Variants in TMPRSS6 observed in about 807,000 individuals in gnomAD.
TMPRSS6 encodes the protein transmembrane serine protease 6, also known as transmembrane protease serine 6.
Under a neutral mutation model 101.5 loss-of-function variants are expected in TMPRSS6, and 67 were observed. The ratio of observed to expected loss-of-function variants is 0.66; its 90% confidence interval spans 0.54 to 0.81. The LOEUF (loss-of-function observed/expected upper bound fraction) is 0.81, where lower values mean the gene tolerates loss of function less well. Ranked by LOEUF, TMPRSS6 falls within the 30% of genes least tolerant of loss-of-function variation. TMPRSS6 has a pLI of 0.00. For missense variants in TMPRSS6, 1,034 were observed against 1,088.7 expected (o/e 0.95, Z 0.71); for synonymous variants, 453 against 464.9 (o/e 0.97, Z 0.33).
intron 7 of TMPRSS6, among the ~76,000 whole-genome samples, chr22:37,089,336 T>C (rs944792368): frequency 6.6e-6 from 1 of 152,116 alleles, no homozygotes; most frequent in Non-Finnish European, 1.5e-5. Flanking sequence ...AGGAGTCATC[T>C]ACAACAACGG....
rs147881799 is a variant in TMPRSS6 at position 37,076,073 on chromosome 22, AAAAG to A, written c.1197-797_1197-794del. Among the ~76,000 whole-genome samples, 1,407 of 152,028 alleles carry A rather than the reference AAAAG, an allele frequency of 9.3e-3. 10 individuals are homozygous for A. The highest frequency in any genetic ancestry group is 0.025 in the African/African-American group (1,045 of 41,414). ...GAGGGAGGGAAAGAAAAAAGAAAAG[AAAAG>A]AAAGAAAGAGAAAGAAAGAAAGGAA... On this transcript the variant is annotated intron_variant, in intron 10 of 17. Coordinates refer to ENST00000676104, the MANE Select transcript of TMPRSS6 (RefSeq NM_001374504.1).
At chr22:37,072,294 G>GGATGGATGGAT in intron 13 of TMPRSS6, among the ~76,000 whole-genome samples, 1 of 140,558 alleles carries the variant, frequency 7.1e-6, no homozygotes, top group African/African-American at 3.0e-5. Context: ...GATGGATGAT[G>GGATGGATGGAT]GATGGATGGA....
chr22:37,084,651 C>T (rs1928549824), intron 9 of TMPRSS6, 76 bp downstream of exon 9: 1 of 1,295,194 alleles, frequency 7.7e-7, no homozygotes, highest in Non-Finnish European at 1.1e-6. Flanking sequence ...ACACTGCCCC[C>T]TCTCATCCCG....
intron 2 of TMPRSS6, 72 bp from the exon 3 acceptor site, chr22:37,098,621 C>T: frequency 6.2e-7 from 1 of 1,608,460 alleles, no homozygotes. Flanking sequence ...TCCATGCCTT[C>T]TCCTGCCACC....
In TMPRSS6 at chr22:37,103,749, A is replaced by C; in HGVS notation, c.-1-331T>G. ...CCACCTCCCTAGAGGCTGCACCCACAGACAGAACTGAAGTACATGGGGTGC... is the reference window on the plus strand; with the variant it reads ...CCACCTCCCTAGAGGCTGCACCCACCGACAGAACTGAAGTACATGGGGTGC... On this transcript the variant is annotated intron_variant, in intron 1 of 17. Transcript: ENST00000676104. The surrounding 1 kb of genome is among the most constrained non-coding windows in gnomAD (Gnocchi z 4.4). 1.5e-6 allele frequency: 1 copy of C among 679,816 alleles called. No individual in the cohort carries two copies. Among genetic ancestry groups the C allele is most frequent in the Non-Finnish European group, 2.6e-6 (1 of 384,042 alleles). 42.1% of individuals were successfully genotyped at this position (679,816 alleles called of 1,614,324 possible). A position where few individuals can be genotyped will look rare whatever the true frequency, so the allele number is the denominator to read the frequency against.
intron 2 of TMPRSS6, among the ~76,000 whole-genome samples, chr22:37,100,546 G>T (rs1256493563): frequency 6.6e-6 from 1 of 152,208 alleles, no homozygotes; most frequent in African/African-American, 2.4e-5. Flanking sequence ...GGAAAAGAAA[G>T]AAAGGAGTAA....
At chr22:37,071,129 A>T in intron 13 of TMPRSS6, 97 bp from the exon 14 acceptor site, 1 of 1,097,898 alleles carries the variant, frequency 9.1e-7, no homozygotes, top group South Asian at 1.3e-5. Flanking sequence ...GAGCCAGAAG[A>T]GCCAGGAGGT....
chr22:37,086,830 C>A (rs2146114528), intron 7 of TMPRSS6, among the ~76,000 whole-genome samples: 1 of 152,316 alleles, frequency 6.6e-6, no homozygotes, highest in South Asian at 2.1e-4. Context: ...CACCGCGACT[C>A]CTGGCTGTGC....
rs111225958 is a variant in TMPRSS6 at position 37,075,000 on chromosome 22, TAC to T, written c.1342+133_1342+134del. 211,494 of 1,371,698 alleles carry T rather than the reference TAC, an allele frequency of 0.15. 15,405 individuals carry two copies. Among genetic ancestry groups the T allele is most frequent in the African/African-American group, 0.25 (17,544 of 69,856 alleles). The allele number at this position is 1,371,698 out of a possible 1,614,324, so 85.0% of individuals were successfully genotyped here. Reference sequence around the variant, plus strand: ...AGCTGCATAAATTTGTGCAAGCACATACACACACACACACACTCTCTCTCTCC... The same window carrying T: ...AGCTGCATAAATTTGTGCAAGCACATACACACACACACACTCTCTCTCTCC... On this transcript the variant is annotated intron_variant, in intron 11 of 17. Transcript: ENST00000676104.
chr22:37,072,464 TG>T (rs1927114091), intron 13 of TMPRSS6, among the ~76,000 whole-genome samples: 1 of 137,672 alleles, frequency 7.3e-6, no homozygotes, highest in African/African-American at 2.8e-5. Flanking sequence ...GATGGATGGA[TG>T]GATGGATGGA....
rs759034747 is a variant in TMPRSS6, at chr22:37,103,587, G to A, written c.-1-169C>T. The A allele has an allele frequency of 6.2e-6, 10 of 1,612,754 alleles. No homozygotes were observed. The East Asian group carries it at 2.0e-4, about 32-fold the overall frequency. On this transcript the variant is annotated intron_variant, in intron 1 of 17. Coordinates refer to ENST00000676104, the MANE Select transcript of TMPRSS6 (RefSeq NM_001374504.1). This position sits in a 1 kb window ranked among gnomAD's most constrained non-coding sequence, Gnocchi z 4.4. ...GGTGCCGAGACAGCTCACAGAGGAG[G>A]GAAGTGCATCTCAGGTCAGCTCGCA...
At chr22:37,092,356 A>C (rs1929343528) in intron 6 of TMPRSS6, among the ~76,000 whole-genome samples, 1 of 152,118 alleles carries the variant, frequency 6.6e-6, no homozygotes, top group African/African-American at 2.4e-5. Flanking sequence ...TTGTTGAGAC[A>C]GCCTGTCACT....
At chr22:37,104,469 C>CG (rs1339780680) in intron 1 of TMPRSS6, among the ~76,000 whole-genome samples, 2 of 152,130 alleles carry the variant, frequency 1.3e-5, no homozygotes, top group Non-Finnish European at 2.9e-5. Flanking sequence ...AACTGAATGT[C>CG]GCCCCTCTCC....
At chr22:37,075,370 C>G in intron 10 of TMPRSS6, 90 bp from the exon 11 acceptor site, 3 of 1,564,768 alleles carry the variant, frequency 1.9e-6, no homozygotes, top group South Asian at 2.3e-5. Context: ...GCCAGAGGGG[C>G]AGGGGGAGCT....
At chr22:37,091,770 A>G (rs1421312) in intron 6 of TMPRSS6, among the ~76,000 whole-genome samples, 68,387 of 152,080 alleles carry the variant, frequency 0.45, 16,093 homozygotes, top group African/African-American at 0.59. Context: ...TAGCCATTCC[A>G]AGTTCTGTCA....
Position 37,070,259 on chromosome 22 carries a change from C to T in TMPRSS6, c.1841+225G>A, listed in dbSNP as rs555633079. Among the ~76,000 whole-genome samples, 62 of 152,284 alleles carry T rather than the reference C, an allele frequency of 4.1e-4. 2 individuals are homozygous for T. In the South Asian group the frequency reaches 0.013, roughly 31 times the overall value. On this transcript the variant is annotated intron_variant, in intron 15 of 17. Transcript: ENST00000676104. ...ATGAATGAATGAATTACTGGCCCAA[C>T]TTAAAGCAAGATACCAAAAGTAGAT...
chr22:37,102,216 C>G (rs1930378479), intron 2 of TMPRSS6, among the ~76,000 whole-genome samples: 1 of 152,242 alleles, frequency 6.6e-6, no homozygotes, highest in African/African-American at 2.4e-5. Flanking sequence ...ACGCAGGCAT[C>G]TGGGTTGTCC....
rs1237873773 is a variant in TMPRSS6 at position 37,070,549 on chromosome 22, G to T, written c.1776C>A (p.Ile592=). 1 of 1,613,410 alleles carries T rather than the reference G, an allele frequency of 6.2e-7. No individual in the cohort carries two copies. The highest frequency in any genetic ancestry group is 1.1e-5 in the South Asian group (1 of 91,084). Residue 592 remains isoleucine, a synonymous_variant, in exon 15 of 18, where the codon ATC becomes ATA. Transcript: ENST00000676104. The part of the protein sequence containing the change: ...QASLQVRGRH[I]CGGALIADRW... ...GGTCAGCGATGAGGGCCCCCCCACAGATGTGTCGACCCCGAACCTGGAGGC... is the reference window on the plus strand; with the variant it reads ...GGTCAGCGATGAGGGCCCCCCCACATATGTGTCGACCCCGAACCTGGAGGC...
intron 13 of TMPRSS6, among the ~76,000 whole-genome samples, chr22:37,072,234 G>GC (rs1927036997): frequency 1.3e-5 from 1 of 74,848 alleles, no homozygotes; most frequent in Admixed American, 1.0e-4. Flanking sequence ...ATGGATGGAT[G>GC]ATGGATGGAT....
Sources: allele counts gnomAD v4.1 joint callset (sites outside exome capture counted in the v4.1 genomes callset), GRCh38; gene constraint gnomAD v4.1.1; non-coding constraint Gnocchi (gnomAD v3.1); transcripts MANE v1.5; gene names NCBI Gene and HGNC (gene_info 2026-07-23, HGNC 2026-07-21).